AVEN: variants seen among roughly 807,000 people sequenced by gnomAD.
AVEN encodes apoptosis and caspase activation inhibitor.
Under a neutral mutation model 38.1 loss-of-function variants are expected in AVEN, and 41 were observed. The observed-to-expected ratio is 1.08, with a 90% confidence interval of 0.84 to 1.40. The LOEUF (loss-of-function observed/expected upper bound fraction) is 1.40, where lower values mean the gene tolerates loss of function less well. Among genes scored for constraint, AVEN ranks in the 40% most tolerant of loss-of-function variants. The pLI is 0.00. For synonymous variants in AVEN, 206 were observed against 171.8 expected (o/e 1.20, Z -1.56); for missense variants, 605 against 438.8 (o/e 1.38, Z -3.38).
intron 2 of AVEN, among the ~76,000 whole-genome samples, chr15:34,069,882 G>A (rs1380146162): frequency 1.3e-5 from 2 of 152,010 alleles, no homozygotes; most frequent in Non-Finnish European, 2.9e-5. Context: ...TATTAATATG[G>A]TTGAACATCA....
chr15:34,043,741 A>G (rs924618117), upstream of AVEN, among the ~76,000 whole-genome samples: 2 of 152,208 alleles, frequency 1.3e-5, no homozygotes, highest in Non-Finnish European at 2.9e-5. Context: ...ATACATGACA[A>G]TATCTTCTCC....
downstream of AVEN, chr15:33,864,909 A>C (rs146540016): frequency 7.2e-5 from 36 of 502,598 alleles, no homozygotes; most frequent in African/African-American, 6.5e-4. Context: ...TTTGGGGCAG[A>C]GGGGGATTTT....
chr15:33,953,364 C>A (rs887824683), intron 2 of AVEN, among the ~76,000 whole-genome samples: 22 of 152,126 alleles, frequency 1.4e-4, no homozygotes, highest in African/African-American at 5.1e-4. Flanking sequence ...AAGCTGGAGG[C>A]ATCACGCTAC....
chr15:33,897,900 G>C (rs546596056), intron 2 of AVEN, among the ~76,000 whole-genome samples: 1 of 150,434 alleles, frequency 6.6e-6, no homozygotes, highest in Non-Finnish European at 1.5e-5. Context: ...GCAAAAAATA[G>C]CTGAATGGGC....
intron 4 of AVEN, chr15:34,064,352 C>A: frequency 6.4e-7 from 1 of 1,573,616 alleles, no homozygotes; most frequent in Non-Finnish European, 8.6e-7. Flanking sequence ...ACAATGACCA[C>A]AGTCAACATC....
chr15:33,971,354 G>A (rs1381074594), intron 2 of AVEN, among the ~76,000 whole-genome samples: 3 of 151,846 alleles, frequency 2.0e-5, no homozygotes, highest in Non-Finnish European at 2.9e-5. Context: ...CATAGAAATG[G>A]AGCAAATATT....
chr15:33,904,690 A>T (rs201320401), intron 2 of AVEN, among the ~76,000 whole-genome samples: 9 of 108,300 alleles, frequency 8.3e-5, no homozygotes, highest in Admixed American at 7.5e-4. Flanking sequence ...TTTAAAAAAA[A>T]AAAAATATAT....
intron 2 of AVEN, among the ~76,000 whole-genome samples, chr15:33,981,294 G>A (rs1212614915): frequency 6.6e-6 from 1 of 152,124 alleles, no homozygotes; most frequent in Non-Finnish European, 1.5e-5. Flanking sequence ...TGAGTTATTA[G>A]CAGTCAAGAA....
chr15:34,015,288 C>A (rs560735054), intron 1 of AVEN, among the ~76,000 whole-genome samples: 1 of 152,224 alleles, frequency 6.6e-6, no homozygotes, highest in African/African-American at 2.4e-5. Context: ...TCGAGACCAT[C>A]TTGGCTAACA....
chr15:33,981,131 G>A (rs1440764089), intron 2 of AVEN, among the ~76,000 whole-genome samples: 1 of 152,102 alleles, frequency 6.6e-6, no homozygotes, highest in East Asian at 1.9e-4. Flanking sequence ...TCTCAAAATT[G>A]TGGAGAGAAA....
chr15:33,891,844 C>T (rs1237237580), intron 2 of AVEN, among the ~76,000 whole-genome samples: 1 of 152,308 alleles, frequency 6.6e-6, no homozygotes, highest in East Asian at 1.9e-4. Flanking sequence ...ACACTCCCAC[C>T]AACAAAGTAA....
Position 34,072,605 on chromosome 15 carries a change from C to CAA in AVEN, n.720+1829_720+1830dup, listed in dbSNP as rs150270404. Among the ~76,000 whole-genome samples, 234 of 146,124 alleles carry CAA rather than the reference C, an allele frequency of 1.6e-3. 2 individuals carry two copies. The highest frequency in any genetic ancestry group is 4.1e-3 in the East Asian group (20 of 4,876). On this transcript the variant is annotated intron_variant and non_coding_transcript_variant, in intron 1 of 11. Transcript: ENST00000675287. ...AGCCTGGGCAACAGAGATTCTGTATCAAAAAAAAAAATTACCTGTAATTTT... is the reference window on the plus strand; with the variant it reads ...AGCCTGGGCAACAGAGATTCTGTATCAAAAAAAAAAAAATTACCTGTAATTTT...
At chr15:33,906,646 A>G (rs935850458) in intron 2 of AVEN, among the ~76,000 whole-genome samples, 5 of 152,236 alleles carry the variant, frequency 3.3e-5, no homozygotes, top group Admixed American at 6.5e-5. Flanking sequence ...GACAAATGCT[A>G]TATGATTCTG....
intron 5 of AVEN, among the ~76,000 whole-genome samples, chr15:34,062,148 A>G (rs1488842835): frequency 6.6e-6 from 1 of 152,248 alleles, no homozygotes; most frequent in African/African-American, 2.4e-5. Context: ...GCACTCAGCC[A>G]TAGGTAACAA....
At chr15:33,944,857 T>C (rs1394780108) in intron 2 of AVEN, among the ~76,000 whole-genome samples, 1 of 151,310 alleles carries the variant, frequency 6.6e-6, no homozygotes, top group Admixed American at 6.6e-5. Flanking sequence ...GAGAAAACCT[T>C]GAAGTAAAAA....
rs1900217122 is a variant in AVEN, at chr15:34,058,020, GCA to G, written n.1637+4900_1637+4901del. Among the ~76,000 whole-genome samples the G allele has an allele frequency of 3.9e-5, 6 of 152,260 alleles. No homozygotes were observed. The South Asian group carries it at 1.2e-3, about 32-fold the overall frequency. On this transcript the variant is annotated intron_variant and non_coding_transcript_variant, in intron 5 of 11. Transcript: ENST00000675287. ...GTAGGGGCTAGCAAATCTGAAATCT[GCA>G]GGCAAGCTGGAAAATCCAGCAGGAA...
chr15:34,073,519 CTTTTTT>C (rs10617421), intron 1 of AVEN, among the ~76,000 whole-genome samples: 1 of 88,514 alleles, frequency 1.1e-5, no homozygotes, highest in African/African-American at 4.3e-5. Context: ...TTTCTTTTTT[CTTTTTT>C]TTTTTTTTTT....
At chr15:33,859,431 G>C (rs1464379390) in intron 11 of AVEN, 5 of 755,506 alleles carry the variant, frequency 6.6e-6, no homozygotes, top group Non-Finnish European at 8.8e-6. Flanking sequence ...GCAGCTAGCA[G>C]CATGAATACT....
At chr15:34,033,324 G>A (rs1021803945) in intron 1 of AVEN, among the ~76,000 whole-genome samples, 14 of 152,042 alleles carry the variant, frequency 9.2e-5, no homozygotes, top group South Asian at 2.1e-4. Context: ...TGAGCAACAC[G>A]GTGAAATCCC....
Sources: gnomAD v4.1 joint callset for allele counts (sites outside exome capture counted in the v4.1 genomes callset) on GRCh38, gnomAD v4.1.1 for gene constraint, MANE v1.5 for transcripts, NCBI Gene and HGNC (gene_info 2026-07-23, HGNC 2026-07-21) for gene names.